CDH18: variants seen among roughly 807,000 people sequenced by gnomAD.
CDH18 encodes the protein cadherin-18.
Under a neutral mutation model 67.9 loss-of-function variants are expected in CDH18, and 31 were observed. The observed-to-expected ratio is 0.46, with a 90% CI of 0.34 to 0.62. The LOEUF is 0.62. CDH18 is among the 20% of genes least tolerant of loss of function. CDH18 has a pLI of 0.01. For missense variants in CDH18, 890 were observed against 975.5 expected (o/e 0.91, Z 1.17); for synonymous variants, 362 against 347.2 (o/e 1.04, Z -0.48).
At chr5:19,565,498 A>G (rs543036414) in intron 8 of CDH18, among the ~76,000 whole-genome samples, 4 of 152,198 alleles carry the variant, frequency 2.6e-5, no homozygotes, top group Non-Finnish European at 5.9e-5. Flanking sequence ...GGCTTGGGGT[A>G]CCCCCTAATG....
chr5:20,045,334 C>T (rs1305013856), intron 2 of CDH18, among the ~76,000 whole-genome samples: 2 of 152,046 alleles, frequency 1.3e-5, no homozygotes, highest in African/African-American at 4.8e-5. Context: ...CAAGTTATGC[C>T]ACATCAGTGT....
intron 1 of CDH18, among the ~76,000 whole-genome samples, chr5:20,519,458 C>T (rs143173655): frequency 0.021 from 3,150 of 152,004 alleles, 51 homozygotes; most frequent in African/African-American, 0.042. Flanking sequence ...CATCACACTC[C>T]GGGGACTGTT....
intron 1 of CDH18, among the ~76,000 whole-genome samples, chr5:20,532,597 T>TA (rs1756473535): frequency 6.6e-6 from 1 of 152,116 alleles, no homozygotes; most frequent in African/African-American, 2.4e-5. Flanking sequence ...TCCAAGATGA[T>TA]ATGCACAGAG....
chr5:20,242,636 A>ATATATATATATGTATATATATATG (rs1554106679), intron 2 of CDH18, among the ~76,000 whole-genome samples: 81 of 58,328 alleles, frequency 1.4e-3, no homozygotes, highest in East Asian at 2.2e-3. Flanking sequence ...ATATATATGT[A>ATATATATATATGTATATATATATG]TATATATATA....
rs1306249603 is a variant in CDH18, at chr5:20,107,083, T to TC, written c.-517-115070dup. Among the ~76,000 whole-genome samples the TC allele has an allele frequency of 1.1e-4, 6 of 56,270 alleles. No individual in the cohort carries two copies. The East Asian group carries it at 2.7e-3, about 26-fold the overall frequency. The allele number at this position is 56,270 out of a possible 152,430, so 36.9% of individuals were successfully genotyped here. ...AGCACTTAAGTTCCTTTTATAACTT[T>TC]CTTTTTTTTTTTTTTGAGACGGAGT... On this transcript the variant is annotated intron_variant, in intron 2 of 14. Coordinates refer to the CDH18 transcript ENST00000507958.
At chr5:19,857,991 G>A (rs1784487141) in intron 2 of CDH18, among the ~76,000 whole-genome samples, 2 of 152,114 alleles carry the variant, frequency 1.3e-5, no homozygotes, top group Admixed American at 1.3e-4. Context: ...ATAGTCACTT[G>A]ATTTCCTTGT....
At chr5:20,284,518 G>A (rs113322231) in intron 1 of CDH18, among the ~76,000 whole-genome samples, 314 of 151,866 alleles carry the variant, frequency 2.1e-3, no homozygotes, top group African/African-American at 7.3e-3. Flanking sequence ...TTTTCCCACC[G>A]TTATTGGAAC....
intron 1 of CDH18, among the ~76,000 whole-genome samples, chr5:20,364,393 A>G (rs1202083082): frequency 1.3e-5 from 2 of 152,204 alleles, no homozygotes; most frequent in Admixed American, 1.3e-4. Flanking sequence ...TTATCTCAGG[A>G]GATATACTTT....
chr5:19,490,614 C>T (rs996908268), intron 11 of CDH18, among the ~76,000 whole-genome samples: 3 of 151,714 alleles, frequency 2.0e-5, no homozygotes, highest in African/African-American at 7.3e-5. Context: ...AGGGTTTCAC[C>T]ATGTTGGCCA....
chr5:19,897,391 A>T (rs1413400931), intron 2 of CDH18, among the ~76,000 whole-genome samples: 1 of 152,160 alleles, frequency 6.6e-6, no homozygotes, highest in African/African-American at 2.4e-5. Flanking sequence ...CTATATACTC[A>T]GCAGAATGGC....
At chr5:20,558,694 A>G (rs1758045738) in intron 1 of CDH18, among the ~76,000 whole-genome samples, 1 of 152,084 alleles carries the variant, frequency 6.6e-6, no homozygotes, top group Non-Finnish European at 1.5e-5. Flanking sequence ...GAATGCTAGC[A>G]CATTTTTATT....
chr5:19,493,205 C>T (rs983998574), intron 11 of CDH18, among the ~76,000 whole-genome samples: 6 of 152,176 alleles, frequency 3.9e-5, no homozygotes. Context: ...ATTTCACCTC[C>T]ATCAACTGCA....
At chr5:20,545,819 G>A (rs1757310637) in intron 1 of CDH18, among the ~76,000 whole-genome samples, 1 of 152,162 alleles carries the variant, frequency 6.6e-6, no homozygotes, top group Non-Finnish European at 1.5e-5. Flanking sequence ...TTCTGGGGCT[G>A]GCGTGAATAA....
chr5:20,386,831 T>C (rs1247454575), intron 1 of CDH18, among the ~76,000 whole-genome samples: 3 of 152,122 alleles, frequency 2.0e-5, no homozygotes, highest in Non-Finnish European at 4.4e-5. Context: ...AAACACAAAA[T>C]CCCCAAATTA....
intron 1 of CDH18, chr5:20,304,582 A>G (rs1580709323): frequency 6.8e-7 from 1 of 1,463,470 alleles, no homozygotes; most frequent in Non-Finnish European, 9.1e-7. Flanking sequence ...AAATCCAGTC[A>G]GGGGGACAGA....
chr5:20,334,682 T>G (rs918976546), intron 1 of CDH18, among the ~76,000 whole-genome samples: 6 of 151,632 alleles, frequency 4.0e-5, no homozygotes, highest in South Asian at 2.1e-4. Flanking sequence ...TTAAATTTAT[T>G]AAAAGAAATT....
intron 1 of CDH18, among the ~76,000 whole-genome samples, chr5:20,497,595 C>G (rs1425406014): frequency 1.3e-5 from 2 of 151,976 alleles, no homozygotes; most frequent in African/African-American, 4.8e-5. Flanking sequence ...TGAGCTCATC[C>G]AAGGACAAAT....
chr5:19,776,864 T>A (rs1163655434), intron 3 of CDH18, among the ~76,000 whole-genome samples: 2 of 152,162 alleles, frequency 1.3e-5, no homozygotes, highest in African/African-American at 4.8e-5. Flanking sequence ...GTGAAAGTAG[T>A]AATAGGGATA....
intron 1 of CDH18, among the ~76,000 whole-genome samples, chr5:20,389,674 C>T (rs906979566): frequency 8.6e-5 from 13 of 151,892 alleles, no homozygotes; most frequent in Non-Finnish European, 1.0e-4. Flanking sequence ...GAGCCCGCAT[C>T]GCCAAGTCAA....
Sources: allele counts gnomAD v4.1 joint callset (sites outside exome capture counted in the v4.1 genomes callset), GRCh38; gene constraint gnomAD v4.1.1; transcripts MANE v1.5; gene names NCBI Gene and HGNC (gene_info 2026-07-23, HGNC 2026-07-21).